The following REDIC1 variants were observed in gnomAD, a reference collection of about 807,000 sequenced individuals.
REDIC1 encodes the protein regulator of DNA class I crossover intermediates 1.
the REDIC1 span, among the ~76,000 whole-genome samples, chr12:39,675,153 G>C: frequency 6.6e-6 from 1 of 152,086 alleles, no homozygotes; most frequent in African/African-American, 2.4e-5. Flanking sequence ...ATCACCGGAG[G>C]CTTTCTCTCA....
the REDIC1 span, among the ~76,000 whole-genome samples, chr12:39,800,444 CA>C: frequency 6.9e-6 from 1 of 145,462 alleles, no homozygotes; most frequent in East Asian, 2.0e-4. Flanking sequence ...AGGACATGAA[CA>C]GACACTTCTC....
At chr12:39,684,702 G>A in the REDIC1 span, among the ~76,000 whole-genome samples, 3 of 152,074 alleles carry the variant, frequency 2.0e-5, no homozygotes, top group South Asian at 2.1e-4. Context: ...AGATTGACCC[G>A]CACATAATAG....
At chr12:39,892,919 A>C in the REDIC1 span, among the ~76,000 whole-genome samples, 4 of 152,222 alleles carry the variant, frequency 2.6e-5, no homozygotes, top group Admixed American at 1.3e-4. Context: ...TTAGCAAAGA[A>C]AAAAAGCAAA....
the REDIC1 span, among the ~76,000 whole-genome samples, chr12:39,711,598 T>C: frequency 0.036 from 3,914 of 110,206 alleles, 142 homozygotes; most frequent in Middle Eastern, 0.078. Flanking sequence ...TGTATATGTG[T>C]ATACACATGC....
chr12:39,897,023 C>T, the REDIC1 span, among the ~76,000 whole-genome samples: 1 of 152,046 alleles, frequency 6.6e-6, no homozygotes, highest in Admixed American at 6.6e-5. Flanking sequence ...AGGAAGAGAC[C>T]AACAAGTTCT....
the REDIC1 span, among the ~76,000 whole-genome samples, chr12:39,896,596 A>G: frequency 9.9e-5 from 15 of 151,210 alleles, no homozygotes; most frequent in East Asian, 1.4e-3. Flanking sequence ...ATGTATACAT[A>G]TATGTATGTA....
chr12:39,713,273 C>CACACACATACGTGTATATATGTGT, the REDIC1 span, among the ~76,000 whole-genome samples: 3 of 10,176 alleles, frequency 2.9e-4, no homozygotes, highest in African/African-American at 1.3e-3. Context: ...TATATGTGTA[C>CACACACATACGTGTATATATGTGT]ACACACATAC....
chr12:39,904,674 G>A, the REDIC1 span, among the ~76,000 whole-genome samples: 13 of 152,094 alleles, frequency 8.5e-5, no homozygotes, highest in African/African-American at 3.1e-4. Context: ...GCTCATTTCA[G>A]GTTCCAGCCT....
the REDIC1 span, among the ~76,000 whole-genome samples, chr12:39,713,020 T>C: frequency 6.9e-6 from 1 of 144,262 alleles, no homozygotes; most frequent in African/African-American, 2.6e-5. Flanking sequence ...TACATGTGTA[T>C]ATACGTGTAT....
chr12:39,807,127 G>A, the REDIC1 span, among the ~76,000 whole-genome samples: 5 of 148,630 alleles, frequency 3.4e-5, no homozygotes, highest in African/African-American at 5.2e-5. Flanking sequence ...TACAGTTTTC[G>A]CCACTGAAAG....
the REDIC1 span, among the ~76,000 whole-genome samples, chr12:39,905,074 T>C: frequency 1.3e-5 from 2 of 152,168 alleles, no homozygotes; most frequent in Non-Finnish European, 1.5e-5. Flanking sequence ...TGCACAAATA[T>C]GCCCACAGAA....
the REDIC1 span, among the ~76,000 whole-genome samples, chr12:39,860,643 C>G: frequency 6.6e-6 from 1 of 152,164 alleles, no homozygotes; most frequent in Middle Eastern, 3.2e-3. Context: ...ATGATTTAGT[C>G]CACCTTTTTT....
the REDIC1 span, among the ~76,000 whole-genome samples, chr12:39,729,486 C>T: frequency 2.0e-5 from 3 of 152,018 alleles, no homozygotes; most frequent in East Asian, 5.8e-4. Context: ...AGTTTCTTAA[C>T]CTTGAATTCT....
the REDIC1 span, among the ~76,000 whole-genome samples, chr12:39,770,847 A>G: frequency 1.1e-3 from 171 of 152,230 alleles, 4 homozygotes; most frequent in East Asian, 0.029. Context: ...AAGTAAAGAA[A>G]AGTGGCCAAG....
chr12:39,726,137 CTCCTCCTCT>C, the REDIC1 span, among the ~76,000 whole-genome samples: 1 of 151,780 alleles, frequency 6.6e-6, no homozygotes, highest in African/African-American at 2.4e-5. Context: ...CCTCCTCCTC[CTCCTCCTCT>C]TCCTCCTCTT....
the REDIC1 span, chr12:39,720,958 C>G: frequency 1.2e-6 from 2 of 1,613,614 alleles, no homozygotes; most frequent in South Asian, 2.2e-5. Flanking sequence ...GAATTTCTAC[C>G]AGTTCTCAGT....
the REDIC1 span, among the ~76,000 whole-genome samples, chr12:39,789,163 C>G: frequency 6.6e-6 from 1 of 152,012 alleles, no homozygotes; most frequent in Non-Finnish European, 1.5e-5. Flanking sequence ...GATAGGATCC[C>G]TCCCTTGGCC....
chr12:39,896,279 C>A, the REDIC1 span, among the ~76,000 whole-genome samples: 1 of 79,964 alleles, frequency 1.3e-5, no homozygotes, highest in Non-Finnish European at 2.7e-5. Flanking sequence ...TATATGTATA[C>A]ATGTATGTAT....
the REDIC1 span, among the ~76,000 whole-genome samples, chr12:39,709,592 T>C: frequency 6.6e-6 from 1 of 150,730 alleles, no homozygotes; most frequent in Non-Finnish European, 1.5e-5. Flanking sequence ...AATCATGTGG[T>C]ATTTGTCTTT....
Sources: allele counts gnomAD v4.1 joint callset (sites outside exome capture counted in the v4.1 genomes callset), GRCh38; gene constraint gnomAD v4.1.1; transcripts MANE v1.5; gene names NCBI Gene and HGNC (gene_info 2026-07-23, HGNC 2026-07-21).